The following POLN variants were observed in gnomAD, a reference collection of about 807,000 sequenced individuals.
POLN encodes the protein DNA polymerase N.
In POLN, 108 loss-of-function variants were observed where a neutral mutation model predicts 113.5. The observed-to-expected ratio is 0.95, with a 90% CI of 0.81 to 1.12. The LOEUF (loss-of-function observed/expected upper bound fraction) is 1.12. Ranked by LOEUF, POLN falls within the 50% of genes most tolerant of loss-of-function variation. The pLI, the probability that POLN is intolerant of heterozygous loss-of-function variation, is 0.00. For missense variants in POLN, 1,097 were observed against 1,077.1 expected, an observed-to-expected ratio of 1.02 and a Z score of -0.26; for synonymous variants, 386 against 391.5, an observed-to-expected ratio of 0.99 and a Z score of 0.17.
chr4:2,173,673 C>T (rs1330983304), intron 11 of POLN, among the ~76,000 whole-genome samples: 1 of 152,098 alleles, frequency 6.6e-6, no homozygotes, highest in Non-Finnish European at 1.5e-5. Context: ...AGAATTCCTT[C>T]ACCAAACTAC....
intron 13 of POLN, 104 bp downstream of exon 13, chr4:2,170,575 T>G: frequency 1.4e-5 from 13 of 960,548 alleles, no homozygotes; most frequent in Non-Finnish European, 2.0e-5. Flanking sequence ...GCTGCCAGCA[T>G]GAGGGGACGG....
rs546309359 is a variant in POLN at position 2,181,999 on chromosome 4, C to CAAA, written c.1022-2537_1022-2535dup. On this transcript the variant is annotated intron_variant, in intron 7 of 25. Coordinates refer to ENST00000511885, the MANE Select transcript of POLN (RefSeq NM_181808.4). ...TGGGCAACAGAGTGAGACTCCGTCT[C>CAAA]AAAAAAAAAAAAAAAGATGACTTTA... Among the ~76,000 whole-genome samples the CAAA allele has an allele frequency of 5.5e-3, 543 of 98,894 alleles. 4 individuals carry two copies. Among genetic ancestry groups the CAAA allele is most frequent in the African/African-American group, 0.016 (508 of 31,282 alleles). 64.9% of individuals were successfully genotyped at this position (98,894 alleles called of 152,430 possible).
intron 19 of POLN, among the ~76,000 whole-genome samples, chr4:2,112,589 A>G (rs1343790516): frequency 6.6e-6 from 1 of 152,248 alleles, no homozygotes; most frequent in African/African-American, 2.4e-5. Context: ...ATGAACAGAC[A>G]CTTCTCAAAA....
chr4:2,189,981 C>T (rs879634444), intron 7 of POLN, among the ~76,000 whole-genome samples: 9 of 147,392 alleles, frequency 6.1e-5, no homozygotes, highest in Non-Finnish European at 1.3e-4. Flanking sequence ...GCTGAGATCA[C>T]GCCACTGCAA....
At chr4:2,102,103 C>T (rs1215590037) in intron 19 of POLN, among the ~76,000 whole-genome samples, 1 of 152,122 alleles carries the variant, frequency 6.6e-6, no homozygotes, top group Non-Finnish European at 1.5e-5. Flanking sequence ...GGCTGTTGCC[C>T]TTCACTCAAA....
At chr4:2,100,426 T>G (rs1360932114) in intron 19 of POLN, among the ~76,000 whole-genome samples, 1 of 151,924 alleles carries the variant, frequency 6.6e-6, no homozygotes, top group Non-Finnish European at 1.5e-5. Flanking sequence ...TACCTGACAA[T>G]AAGTTTAAGA....
intron 20 of POLN, among the ~76,000 whole-genome samples, chr4:2,095,500 T>C (rs1319067814): frequency 1.3e-5 from 2 of 152,166 alleles, no homozygotes; most frequent in Non-Finnish European, 2.9e-5. Context: ...ACCTTGAGGC[T>C]ATCTAACTTT....
Position 2,081,746 on chromosome 4 carries a change from G to C in POLN, c.2198-3C>G. On this transcript the variant is annotated splice_region_variant and splice_polypyrimidine_tract_variant and intron_variant, in intron 21 of 25. Transcript: ENST00000511885. ...GCCCATGATGGACACCACACAGCCT[G>C]AGTCACACAGAGCAAAAGTAGATGA... The C allele has an allele frequency of 6.2e-7, 1 of 1,613,068 alleles. No homozygotes were observed. The highest frequency in any genetic ancestry group is 8.5e-7 in the Non-Finnish European group (1 of 1,179,154).
intron 3 of POLN, among the ~76,000 whole-genome samples, chr4:2,222,702 TTTTTTTTTTTA>T (rs1456296562): frequency 3.8e-4 from 57 of 148,138 alleles, no homozygotes; most frequent in African/African-American, 1.5e-3. Flanking sequence ...GGCCTTTTTT[TTTTTTTTTTTA>T]TTTTTCCACA....
intron 18 of POLN, 38 bp downstream of exon 18, chr4:2,129,141 C>A: frequency 7.0e-7 from 1 of 1,426,810 alleles, no homozygotes; most frequent in Non-Finnish European, 9.9e-7. Context: ...AACCTTTGAA[C>A]CCTATGAAAA....
At chr4:2,114,922 G>A (rs1425047877) in intron 19 of POLN, among the ~76,000 whole-genome samples, 1 of 151,546 alleles carries the variant, frequency 6.6e-6, no homozygotes, top group Non-Finnish European at 1.5e-5. Context: ...TTTGGGGGGA[G>A]GGCTTCCACT....
intron 19 of POLN, among the ~76,000 whole-genome samples, chr4:2,108,926 C>G (rs1464374398): frequency 2.0e-5 from 3 of 151,540 alleles, no homozygotes; most frequent in Non-Finnish European, 4.4e-5. Context: ...AAACAGTTAA[C>G]CACGCTTTTC....
rs759214474 is a variant in POLN, at chr4:2,072,035, G to A, written c.*79C>T. On this transcript the variant is annotated 3_prime_UTR_variant, in exon 26 of 26. Coordinates refer to ENST00000511885, the MANE Select transcript of POLN (RefSeq NM_181808.4). ...CCAAAGGGTTAATGCGTCCTGGGGCGTACAGAGCTGGTGACCTTGGGGAAG... is the reference window on the plus strand; with the variant it reads ...CCAAAGGGTTAATGCGTCCTGGGGCATACAGAGCTGGTGACCTTGGGGAAG... 10 of 1,507,996 alleles carry A rather than the reference G, an allele frequency of 6.6e-6. No individual in the cohort carries two copies. The highest frequency in any genetic ancestry group is 4.5e-5 in the East Asian group (2 of 44,338). The allele number at this position is 1,507,996 out of a possible 1,614,324, so 93.4% of individuals were successfully genotyped here.
rs756124460 is a variant in POLN at position 2,208,362 on chromosome 4, A to C, written c.339T>G (p.Thr113=). ...ACTGTGGAATTAAACAACTTGAAAGAGTCAATGAGCTGATGCTCTTCTGTT... is the reference window on the plus strand; with the variant it reads ...ACTGTGGAATTAAACAACTTGAAAGCGTCAATGAGCTGATGCTCTTCTGTT... ...DQKQKSISSL[T]LSSCLIPQYN... The change falls in exon 5 of 26, where the codon ACT becomes ACG. Residue 113 remains threonine, a synonymous_variant. Coordinates refer to ENST00000511885, the MANE Select transcript of POLN (RefSeq NM_181808.4). 2.5e-6 allele frequency: 4 copies of C among 1,613,722 alleles called. No homozygotes were observed. In the South Asian group the frequency reaches 4.4e-5, roughly 18 times the overall value.
Position 2,127,970 on chromosome 4 carries a change from C to T in POLN, c.1982+143G>A, listed in dbSNP as rs1382815490. ...TAACTCATGGCATCCTAGTTATCTA[C>T]TCTTCTTTTCAAAATGATTAGCTAT... On this transcript the variant is annotated intron_variant, in intron 19 of 25. Transcript: ENST00000511885. This position sits in a 1 kb window ranked among gnomAD's most constrained non-coding sequence, Gnocchi z 4.7. 6 of 606,460 alleles carry T rather than the reference C, an allele frequency of 9.9e-6. No homozygotes were observed. The highest frequency in any genetic ancestry group is 2.9e-5 in the East Asian group (1 of 34,048). The allele number at this position is 606,460 out of a possible 1,614,324, so 37.6% of individuals were successfully genotyped here.
chr4:2,183,324 A>G (rs1733188833), intron 7 of POLN, among the ~76,000 whole-genome samples: 1 of 152,228 alleles, frequency 6.6e-6, no homozygotes, highest in Admixed American at 6.5e-5. Flanking sequence ...CAAGTTGAAA[A>G]TATGTCCACG....
intron 6 of POLN, among the ~76,000 whole-genome samples, chr4:2,195,390 T>C (rs1429375988): frequency 2.0e-5 from 3 of 151,812 alleles, no homozygotes; most frequent in African/African-American, 7.3e-5. Flanking sequence ...ATGAAAGTCA[T>C]GTGGTGGGGT....
At chr4:2,211,900 G>A (rs1191360374) in intron 4 of POLN, among the ~76,000 whole-genome samples, 1 of 152,116 alleles carries the variant, frequency 6.6e-6, no homozygotes, top group African/African-American at 2.4e-5. Flanking sequence ...GATCCAAGGA[G>A]CACAGTCTGT....
chr4:2,215,770 C>A (rs1035251317), intron 3 of POLN, among the ~76,000 whole-genome samples: 1 of 152,294 alleles, frequency 6.6e-6, no homozygotes, highest in Non-Finnish European at 1.5e-5. Flanking sequence ...AGGATTCTGG[C>A]GGGCCTTTTC....
Sources: allele counts gnomAD v4.1 joint callset (sites outside exome capture counted in the v4.1 genomes callset), GRCh38; gene constraint gnomAD v4.1.1; non-coding constraint Gnocchi (gnomAD v3.1); transcripts MANE v1.5; gene names NCBI Gene and HGNC (gene_info 2026-07-23, HGNC 2026-07-21).